EPHA6: variants seen among roughly 807,000 people sequenced by gnomAD.
The protein encoded by EPHA6 is EPH receptor A6.
In EPHA6, 50 loss-of-function variants were observed where a neutral mutation model predicts 112.0. The ratio of observed to expected loss-of-function variants is 0.45; its 90% CI spans 0.36 to 0.56. The LOEUF (loss-of-function observed/expected upper bound fraction) is 0.56. EPHA6 is among the 20% of genes least tolerant of loss of function. EPHA6 has a pLI of 0.00. For synonymous variants in EPHA6, 529 were observed against 490.7 expected (o/e 1.08, Z -1.03); for missense variants, 1,280 against 1,417.4 (o/e 0.90, Z 1.56).
At chr3:96,969,548 G>A (rs2042242473) in intron 2 of EPHA6, among the ~76,000 whole-genome samples, 1 of 152,022 alleles carries the variant, frequency 6.6e-6, no homozygotes, top group South Asian at 2.1e-4. Context: ...ATTGTGAAGT[G>A]TTAAAGCAAC....
chr3:96,851,089 T>C (rs1482923490), intron 1 of EPHA6, among the ~76,000 whole-genome samples: 1 of 152,088 alleles, frequency 6.6e-6, no homozygotes. Flanking sequence ...AATATGGAAT[T>C]ATTATGCCAT....
chr3:97,537,487 G>A (rs1190722927), intron 11 of EPHA6, among the ~76,000 whole-genome samples: 3 of 152,128 alleles, frequency 2.0e-5, no homozygotes, highest in African/African-American at 7.2e-5. Flanking sequence ...TCCCAATATG[G>A]TGTGGTGTGT....
At chr3:96,896,500 G>A (rs1191923715) in intron 2 of EPHA6, among the ~76,000 whole-genome samples, 1 of 152,138 alleles carries the variant, frequency 6.6e-6, no homozygotes. Context: ...CCTGTCTTCA[G>A]TCTCACATTA....
chr3:97,605,864 C>T (rs781427718), intron 12 of EPHA6, among the ~76,000 whole-genome samples: 1 of 151,492 alleles, frequency 6.6e-6, no homozygotes, highest in Non-Finnish European at 1.5e-5. Flanking sequence ...TCAGTCCTTC[C>T]AATTTGTGAG....
chr3:97,079,894 T>A (rs1292103043), intron 3 of EPHA6, among the ~76,000 whole-genome samples: 1 of 145,946 alleles, frequency 6.9e-6, no homozygotes, highest in Non-Finnish European at 1.5e-5. Context: ...CTCACATGAT[T>A]GTTAGGTTTT....
At chr3:97,270,826 C>T (rs1023289715) in intron 5 of EPHA6, among the ~76,000 whole-genome samples, 2 of 152,202 alleles carry the variant, frequency 1.3e-5, no homozygotes, top group Non-Finnish European at 2.9e-5. Context: ...AAGCTTCACT[C>T]ATAGACAAGA....
At chr3:97,713,299 A>G (rs2034062756) in intron 14 of EPHA6, among the ~76,000 whole-genome samples, 2 of 152,154 alleles carry the variant, frequency 1.3e-5, no homozygotes, top group Admixed American at 1.3e-4. Flanking sequence ...CCAAGGACCA[A>G]TAGTTGGTGA....
chr3:97,169,819 GTTTTTACT>G (rs1202194715), intron 3 of EPHA6, among the ~76,000 whole-genome samples: 1 of 151,932 alleles, frequency 6.6e-6, no homozygotes, highest in African/African-American at 2.4e-5. Context: ...AACTTTATAT[GTTTTTACT>G]TTAAGTAGAT....
intron 10 of EPHA6, among the ~76,000 whole-genome samples, chr3:97,511,536 A>G (rs2092364912): frequency 6.6e-6 from 1 of 151,830 alleles, no homozygotes. Flanking sequence ...TCCCAATTAG[A>G]TGAGTCGGGT....
intron 5 of EPHA6, among the ~76,000 whole-genome samples, chr3:97,379,616 G>T (rs540767090): frequency 6.6e-6 from 1 of 151,712 alleles, no homozygotes; most frequent in African/African-American, 2.4e-5. Flanking sequence ...GGGCATGGTG[G>T]CAGGCACCTG....
intron 11 of EPHA6, among the ~76,000 whole-genome samples, chr3:97,586,310 A>G (rs892781931): frequency 9.2e-5 from 14 of 152,232 alleles, no homozygotes; most frequent in Non-Finnish European, 2.1e-4. Context: ...GTTTTCAGTT[A>G]AGGATACGCG....
intron 16 of EPHA6, among the ~76,000 whole-genome samples, chr3:97,736,470 AGT>A (rs376497031): frequency 0.02 from 2,342 of 118,788 alleles, 25 homozygotes; most frequent in East Asian, 0.03. Context: ...AGAGAGAGAG[AGT>A]GTGTGTGTGT....
At chr3:96,872,893 C>G (rs1428366197) in intron 2 of EPHA6, among the ~76,000 whole-genome samples, 1 of 151,980 alleles carries the variant, frequency 6.6e-6, no homozygotes, top group East Asian at 1.9e-4. Flanking sequence ...TGGTTTGGAG[C>G]CTGACAATAA....
chr3:97,639,528 A>G (rs570859217), intron 14 of EPHA6, among the ~76,000 whole-genome samples: 3 of 152,256 alleles, frequency 2.0e-5, no homozygotes, highest in African/African-American at 7.2e-5. Context: ...AATACAATCT[A>G]CTAAAAAATA....
chr3:97,253,212 A>G (rs1559829720), intron 5 of EPHA6, among the ~76,000 whole-genome samples: 1 of 152,336 alleles, frequency 6.6e-6, no homozygotes, highest in East Asian at 1.9e-4. Context: ...TGAAGTAATA[A>G]ATGATTAAAC....
At chr3:97,216,863 A>G (rs2078048237) in intron 3 of EPHA6, among the ~76,000 whole-genome samples, 1 of 152,244 alleles carries the variant, frequency 6.6e-6, no homozygotes, top group East Asian at 1.9e-4. Flanking sequence ...AAAGGACATT[A>G]TAGAAGACAA....
At chr3:97,313,549 C>A (rs1161866824) in intron 5 of EPHA6, among the ~76,000 whole-genome samples, 2 of 151,512 alleles carry the variant, frequency 1.3e-5, no homozygotes, top group African/African-American at 4.8e-5. Flanking sequence ...CACTTGTTAT[C>A]TTTAGTCTGC....
chr3:97,366,786 C>G (rs1447988274), intron 5 of EPHA6, among the ~76,000 whole-genome samples: 1 of 152,094 alleles, frequency 6.6e-6, no homozygotes, highest in Admixed American at 6.5e-5. Context: ...GATTGTAAGT[C>G]CAGAAACTTT....
At chr3:97,463,039 T>C (rs1344338890) in intron 7 of EPHA6, among the ~76,000 whole-genome samples, 1 of 152,114 alleles carries the variant, frequency 6.6e-6, no homozygotes, top group Non-Finnish European at 1.5e-5. Flanking sequence ...TGTCACTCAA[T>C]AGAGATGAGA....
Sources: allele counts gnomAD v4.1 joint callset (sites outside exome capture counted in the v4.1 genomes callset), GRCh38; gene constraint gnomAD v4.1.1; transcripts MANE v1.5; gene names NCBI Gene and HGNC (gene_info 2026-07-23, HGNC 2026-07-21).